Variants in NLGN1 observed in about 807,000 individuals in gnomAD.
NLGN1 encodes neuroligin-1.
NLGN1 carries 12 observed loss-of-function variants against 65.5 expected under a neutral mutation model. That is an observed-to-expected ratio of 0.18 (90% confidence interval 0.12 to 0.30). The LOEUF is 0.30. NLGN1 is among the 10% of genes least tolerant of loss of function. NLGN1 has a pLI of 1.00. For synonymous variants in NLGN1, 350 were observed against 359.5 expected, an observed-to-expected ratio of 0.97 and a Z score of 0.30; for missense variants, 750 against 1,007.1, an observed-to-expected ratio of 0.74 and a Z score of 3.46.
At chr3:173,893,143 T>C (rs913985863) in intron 4 of NLGN1, among the ~76,000 whole-genome samples, 23 of 152,134 alleles carry the variant, frequency 1.5e-4, no homozygotes, top group Middle Eastern at 3.2e-3. Flanking sequence ...ATATCTCAAA[T>C]TGAACATGTT....
chr3:173,533,535 G>A (rs1396907842), intron 2 of NLGN1, among the ~76,000 whole-genome samples: 2 of 152,246 alleles, frequency 1.3e-5, no homozygotes, highest in East Asian at 3.9e-4. Flanking sequence ...CTTATTTATG[G>A]AAGTTCTCCC....
At chr3:173,622,567 G>C (rs1754170393) in intron 3 of NLGN1, among the ~76,000 whole-genome samples, 2 of 151,348 alleles carry the variant, frequency 1.3e-5, no homozygotes, top group African/African-American at 4.9e-5. Flanking sequence ...AAGAAAAATA[G>C]TCCCGGTAAA....
chr3:173,921,559 CT>C (rs1560635916), intron 4 of NLGN1, among the ~76,000 whole-genome samples: 1 of 151,686 alleles, frequency 6.6e-6, no homozygotes, highest in African/African-American at 2.4e-5. Flanking sequence ...ATTAATTTAA[CT>C]TTTTATTTCA....
At chr3:173,717,584 G>T (rs911242615) in intron 3 of NLGN1, among the ~76,000 whole-genome samples, 1 of 152,096 alleles carries the variant, frequency 6.6e-6, no homozygotes, top group African/African-American at 2.4e-5. Flanking sequence ...TACAGGCAAT[G>T]AATTGTATTT....
chr3:173,554,294 A>G (rs1222643402), intron 2 of NLGN1, among the ~76,000 whole-genome samples: 1 of 152,176 alleles, frequency 6.6e-6, no homozygotes, highest in South Asian at 2.1e-4. Flanking sequence ...GTTTAGAAGC[A>G]TGTTTATTTT....
At chr3:173,755,144 T>G (rs543895130) in intron 3 of NLGN1, among the ~76,000 whole-genome samples, 1 of 152,144 alleles carries the variant, frequency 6.6e-6, no homozygotes, top group African/African-American at 2.4e-5. Flanking sequence ...TTTGGCAATT[T>G]TGTTCAGTTA....
intron 4 of NLGN1, among the ~76,000 whole-genome samples, chr3:174,128,092 A>G (rs1719341665): frequency 6.6e-6 from 1 of 152,184 alleles, no homozygotes; most frequent in African/African-American, 2.4e-5. Flanking sequence ...GCTAAATGAG[A>G]AACCATTGCT....
chr3:173,400,524 T>C (rs1469639106), intron 1 of NLGN1, among the ~76,000 whole-genome samples: 1 of 152,198 alleles, frequency 6.6e-6, no homozygotes, highest in African/African-American at 2.4e-5. Flanking sequence ...CTAATCTTTC[T>C]TCATTGATCC....
intron 4 of NLGN1, among the ~76,000 whole-genome samples, chr3:173,995,066 C>CTAGT (rs760911481): frequency 5.9e-5 from 9 of 152,176 alleles, no homozygotes; most frequent in Non-Finnish European, 1.0e-4. Context: ...TTTCCTGCTG[C>CTAGT]TAGTTTCTTA....
At chr3:173,721,586 A>G (rs985911049) in intron 3 of NLGN1, among the ~76,000 whole-genome samples, 7 of 152,218 alleles carry the variant, frequency 4.6e-5, no homozygotes, top group African/African-American at 1.7e-4. Flanking sequence ...CTAGGTATTT[A>G]TGAATTATCA....
intron 4 of NLGN1, among the ~76,000 whole-genome samples, chr3:174,013,261 G>A (rs972526052): frequency 2.6e-5 from 4 of 151,984 alleles, no homozygotes; most frequent in Non-Finnish European, 5.9e-5. Flanking sequence ...CCTTATTCCG[G>A]CAGCCCTCAT....
At chr3:173,482,944 T>A (rs1028966456) in intron 2 of NLGN1, among the ~76,000 whole-genome samples, 11 of 152,060 alleles carry the variant, frequency 7.2e-5, no homozygotes, top group African/African-American at 2.7e-4. Context: ...TTGGTAGGAA[T>A]AAAATCGCTT....
chr3:173,661,029 G>A lies in NLGN1; in HGVS notation c.493+55938G>A, dbSNP rs139984773. Among the ~76,000 whole-genome samples the A allele has an allele frequency of 1.7e-3, 256 of 152,060 alleles. 3 individuals are homozygous for A. Among genetic ancestry groups the A allele is most frequent in the Non-Finnish European group, 2.1e-3 (140 of 67,902 alleles). ...TATCTGAAAAGACTGAAAAGCAAAC[G>A]TGAATGAGTAGTGTCCAGTGAAGGG... On this transcript the variant is annotated intron_variant, in intron 3 of 6. Coordinates refer to ENST00000457714, the Ensembl canonical transcript of NLGN1.
intron 1 of NLGN1, among the ~76,000 whole-genome samples, chr3:173,425,605 G>A (rs11923980): frequency 7.9e-5 from 12 of 152,016 alleles, no homozygotes; most frequent in Admixed American, 2.0e-4. Context: ...GAGACTGTCC[G>A]TTTATGTTCT....
chr3:173,801,365 T>A (rs189142537), intron 3 of NLGN1, among the ~76,000 whole-genome samples: 1 of 151,974 alleles, frequency 6.6e-6, no homozygotes, highest in South Asian at 2.1e-4. Flanking sequence ...TAATCCCAGG[T>A]TTCAGAGTAA....
chr3:174,227,474 C>A (rs1403253215), intron 4 of NLGN1, among the ~76,000 whole-genome samples: 1 of 151,656 alleles, frequency 6.6e-6, no homozygotes, highest in African/African-American at 2.4e-5. Flanking sequence ...TTATTCATAT[C>A]TTTTTTATTT....
intron 2 of NLGN1, among the ~76,000 whole-genome samples, chr3:173,539,458 T>G (rs1185694675): frequency 6.9e-6 from 1 of 145,790 alleles, no homozygotes; most frequent in Non-Finnish European, 1.5e-5. Context: ...TATACATACA[T>G]GTACATATGT....
chr3:173,502,662 C>T (rs1019191125), intron 2 of NLGN1, among the ~76,000 whole-genome samples: 2 of 152,052 alleles, frequency 1.3e-5, no homozygotes, highest in African/African-American at 4.8e-5. Flanking sequence ...AAATTAGGTA[C>T]TACAAGACAT....
intron 1 of NLGN1, among the ~76,000 whole-genome samples, chr3:173,403,600 T>C (rs1357395794): frequency 6.6e-6 from 1 of 152,172 alleles, no homozygotes; most frequent in Non-Finnish European, 1.5e-5. Flanking sequence ...ACATTATGAC[T>C]CATTTTTGTA....
Sources: allele counts gnomAD v4.1 joint callset (sites outside exome capture counted in the v4.1 genomes callset), GRCh38; gene constraint gnomAD v4.1.1; transcripts MANE v1.5; gene names NCBI Gene and HGNC (gene_info 2026-07-23, HGNC 2026-07-21).